SATB2: variants seen among roughly 807,000 people sequenced by gnomAD.
SATB2 encodes DNA-binding protein SATB2.
A neutral mutation model predicts 73.4 loss-of-function variants in SATB2; 1 was observed. The observed-to-expected ratio is 0.01, with a 90% CI of 0.00 to 0.06. The LOEUF is 0.06. SATB2 is among the 10% of genes least tolerant of loss of function. SATB2 has a pLI of 1.00. For synonymous variants in SATB2, 397 were observed against 367.0 expected, an observed-to-expected ratio of 1.08 and a Z score of -0.93; for missense variants, 459 against 945.8, an observed-to-expected ratio of 0.49 and a Z score of 6.75.
intron 5 of SATB2, among the ~76,000 whole-genome samples, chr2:199,377,361 G>A (rs1441470871): frequency 6.6e-6 from 1 of 152,142 alleles, no homozygotes; most frequent in Non-Finnish European, 1.5e-5. Flanking sequence ...CTGGGTGACA[G>A]AGCGAAATTC....
At position 199,407,202 on chromosome 2, in the gene SATB2, C is replaced by T. The variant is rs1342918683; in HGVS notation, c.347-25382G>A. 2.7e-5 allele frequency among the ~76,000 whole-genome samples: 4 copies of T among 146,316 alleles called. No homozygotes were observed. The Admixed American group carries it at 2.8e-4, about 10-fold the overall frequency. On this transcript the variant is annotated intron_variant, in intron 3 of 10. Coordinates refer to ENST00000417098, the MANE Select transcript of SATB2 (RefSeq NM_001172509.2). The stretch of plus-strand genomic sequence containing the variant: ...TCAGGAGGCTGAGGTAGGAGAATCA[C>T]TTGAACCCGGGAGGCAGAGGTTGCA...
At chr2:199,343,570 G>C (rs533626692) in intron 7 of SATB2, among the ~76,000 whole-genome samples, 1 of 152,248 alleles carries the variant, frequency 6.6e-6, no homozygotes, top group African/African-American at 2.4e-5. Context: ...AGTACATACA[G>C]CAAAAAACAA....
intron 2 of SATB2, among the ~76,000 whole-genome samples, chr2:199,437,261 G>A (rs961027943): frequency 6.6e-6 from 1 of 152,090 alleles, no homozygotes; most frequent in African/African-American, 2.4e-5. Context: ...GAGGACAGGC[G>A]CTCGGCCTCA....
chr2:199,374,983 A>AC (rs1252948658), intron 5 of SATB2, among the ~76,000 whole-genome samples: 4 of 150,652 alleles, frequency 2.7e-5, no homozygotes, highest in African/African-American at 9.8e-5. Context: ...AAAAAAAAAA[A>AC]CCCCACAGTT....
At chr2:199,334,937 T>A (rs2105804576) in intron 7 of SATB2, among the ~76,000 whole-genome samples, 1 of 152,178 alleles carries the variant, frequency 6.6e-6, no homozygotes. Context: ...TCACGAATAT[T>A]AACAGGTTTC....
chr2:199,417,446 T>C (rs16831463), intron 3 of SATB2, among the ~76,000 whole-genome samples: 3,143 of 152,272 alleles, frequency 0.021, 108 homozygotes, highest in African/African-American at 0.071. Context: ...AGAAAAGATA[T>C]GAGCAACTAT....
intron 10 of SATB2, among the ~76,000 whole-genome samples, chr2:199,299,562 G>C (rs1168191503): frequency 1.3e-5 from 2 of 152,092 alleles, no homozygotes; most frequent in East Asian, 1.9e-4. Flanking sequence ...GGTAGCCAGA[G>C]GGAAAATGGA....
chr2:199,360,923 C>T (rs927469454), intron 6 of SATB2, among the ~76,000 whole-genome samples: 4 of 152,082 alleles, frequency 2.6e-5, no homozygotes, highest in Non-Finnish European at 4.4e-5. Context: ...TGCCCCTCCA[C>T]TGCACCCTTG....
rs148713085 is a variant in SATB2, at chr2:199,371,336, C to G, written c.598-2629G>C. Among the ~76,000 whole-genome samples, 6 of 152,182 alleles carry G rather than the reference C, an allele frequency of 3.9e-5. No homozygotes were observed. The East Asian group carries it at 7.7e-4, about 20-fold the overall frequency. ...CTTGATGTTAGTGTCCATTAAATAT[C>G]TAGAACATCAACACTTAATTAATGA... On this transcript the variant is annotated intron_variant, in intron 5 of 10. Transcript: ENST00000417098.
upstream of SATB2, among the ~76,000 whole-genome samples, chr2:199,462,367 T>C (rs187178474): frequency 2.8e-3 from 432 of 152,116 alleles, 4 homozygotes; most frequent in Middle Eastern, 0.024. This position sits in a 1 kb window ranked among gnomAD's most constrained non-coding sequence, Gnocchi z 5.9. Context: ...ACCAACACTT[T>C]CTCGGACGGC....
intron 2 of SATB2, among the ~76,000 whole-genome samples, chr2:199,439,917 A>G (rs1233142905): frequency 6.6e-6 from 1 of 152,140 alleles, no homozygotes; most frequent in Non-Finnish European, 1.5e-5. Context: ...CAGCCTGACC[A>G]ACATGGTGAG....
At chr2:199,447,627 G>A (rs1224923782) in intron 2 of SATB2, among the ~76,000 whole-genome samples, 1 of 152,126 alleles carries the variant, frequency 6.6e-6, no homozygotes, top group Non-Finnish European at 1.5e-5. Context: ...TTAAGAAAAT[G>A]GGATTTTCCT....
chr2:199,345,834 C>T (rs1688635135), intron 7 of SATB2, among the ~76,000 whole-genome samples: 1 of 152,178 alleles, frequency 6.6e-6, no homozygotes, highest in African/African-American at 2.4e-5. Flanking sequence ...CTACCTAAGA[C>T]CTATGACGGT....
chr2:199,341,956 C>T (rs771674503), intron 7 of SATB2, among the ~76,000 whole-genome samples: 10 of 152,130 alleles, frequency 6.6e-5, no homozygotes, highest in African/African-American at 1.4e-4. Flanking sequence ...TCCTGCAGAG[C>T]GCTCTGGAGT....
intron 7 of SATB2, among the ~76,000 whole-genome samples, chr2:199,338,890 C>T (rs1688418184): frequency 6.7e-6 from 1 of 148,154 alleles, no homozygotes; most frequent in Non-Finnish European, 1.5e-5. Flanking sequence ...GAATTCTGGG[C>T]CTGGGTGACA....
At chr2:199,307,792 T>C (rs1178274806) in intron 10 of SATB2, among the ~76,000 whole-genome samples, 1 of 152,142 alleles carries the variant, frequency 6.6e-6, no homozygotes. Context: ...TTGGGGTGTT[T>C]CACTGCATCC....
At chr2:199,281,262 GTA>G (rs71015889) in intron 10 of SATB2, among the ~76,000 whole-genome samples, 125,868 of 140,388 alleles carry the variant, frequency 0.9, 57,516 homozygotes, top group East Asian at 0.99. Context: ...GTGTATGTAT[GTA>G]TGTGTGTGTG....
intron 3 of SATB2, among the ~76,000 whole-genome samples, chr2:199,415,659 C>A (rs1690956276): frequency 3.9e-5 from 6 of 152,136 alleles, no homozygotes; most frequent in Admixed American, 3.3e-4. Context: ...ATAACTAAAT[C>A]CCTGATTTAT....
At chr2:199,418,427 T>A (rs1198201370) in intron 3 of SATB2, among the ~76,000 whole-genome samples, 1 of 152,202 alleles carries the variant, frequency 6.6e-6, no homozygotes, top group Non-Finnish European at 1.5e-5. Context: ...AAGAAACTAG[T>A]CAATCAATTT....
Sources: gnomAD v4.1 joint callset for allele counts (sites outside exome capture counted in the v4.1 genomes callset) on GRCh38, gnomAD v4.1.1 for gene constraint, Gnocchi (gnomAD v3.1) non-coding constraint, MANE v1.5 for transcripts, NCBI Gene and HGNC (gene_info 2026-07-23, HGNC 2026-07-21) for gene names.